The following SYNE1 variants were observed in gnomAD, a reference collection of about 807,000 sequenced individuals.
The protein encoded by SYNE1 is nesprin-1.
In SYNE1, 616 loss-of-function variants were observed where a neutral mutation model predicts 1,111.0. The observed-to-expected ratio is 0.55, with a 90% confidence interval of 0.52 to 0.59. SYNE1 has a LOEUF of 0.59. Among genes scored for constraint, SYNE1 ranks in the 20% least tolerant of loss-of-function variants. The pLI, the probability that SYNE1 is intolerant of heterozygous loss-of-function variation, is 0.00. For synonymous variants in SYNE1, 3,855 were observed against 3,825.8 expected (o/e 1.01, Z -0.28); for missense variants, 10,006 against 10,417.0 (o/e 0.96, Z 1.72).
Position 152,416,871 on chromosome 6 carries a change from C to T in SYNE1, c.5566G>A (p.Ala1856Thr), listed in dbSNP as rs886042693. The change falls in exon 41 of 146, where the codon GCC (alanine) becomes ACC (threonine). Residue 1856 changes from alanine (A) to threonine (T), a missense_variant. Ala to Thr is a moderately conservative substitution (Grantham distance 58). Around this residue, in one of 7 missense-constraint regions of SYNE1, gnomAD observed 4,955 missense variants for 5,017.2 expected, o/e 0.99. Transcript: ENST00000367255. ...TGCCGCCTCTCCACAACCTGGCTGG[C>T]CTCCTCAAACAGCTGGAAGCAGTCC... ...AEDCFQLFEE[A>T]SQVVERRQLA... 1.9e-6 allele frequency: 3 copies of T among 1,613,908 alleles called. No homozygotes were observed. The highest frequency in any genetic ancestry group is 1.3e-5 in the African/African-American group (1 of 75,040).
chr6:152,592,758 C>T (rs1428997758), intron 3 of SYNE1, among the ~76,000 whole-genome samples: 1 of 152,208 alleles, frequency 6.6e-6, no homozygotes, highest in Non-Finnish European at 1.5e-5. Context: ...ATCCTCTCCA[C>T]CTTCACTCAC....
chr6:152,313,464 C>CTTTTT (rs35627993), intron 87 of SYNE1, among the ~76,000 whole-genome samples: 3 of 135,636 alleles, frequency 2.2e-5, no homozygotes, highest in Non-Finnish European at 4.8e-5. Context: ...ATTTTCTTTT[C>CTTTTT]TTTTTTTTTT....
chr6:152,589,151 C>G (rs2099549936), intron 3 of SYNE1, among the ~76,000 whole-genome samples: 1 of 152,096 alleles, frequency 6.6e-6, no homozygotes. Flanking sequence ...AGGTAATCCA[C>G]TCATTTTGGG....
At chr6:152,441,486 T>C (rs1052402257) in intron 31 of SYNE1, among the ~76,000 whole-genome samples, 4 of 152,184 alleles carry the variant, frequency 2.6e-5, no homozygotes, top group Non-Finnish European at 4.4e-5. Flanking sequence ...TGGACTCAGA[T>C]GATTTCTGAG....
chr6:152,578,253 G>A (rs918984194), intron 3 of SYNE1, among the ~76,000 whole-genome samples: 4 of 152,030 alleles, frequency 2.6e-5, no homozygotes, highest in African/African-American at 9.7e-5. Context: ...CCTTCACCCG[G>A]TCTGCCCCAA....
chr6:152,353,860 G>T, intron 67 of SYNE1, 116 bp from the exon 68 acceptor site: 1 of 1,358,892 alleles, frequency 7.4e-7, no homozygotes, highest in Non-Finnish European at 1.0e-6. Flanking sequence ...TTTATTTTGA[G>T]ATTTAATTTT....
intron 3 of SYNE1, among the ~76,000 whole-genome samples, chr6:152,541,632 C>G (rs1054717333): frequency 1.3e-5 from 2 of 151,362 alleles, no homozygotes; most frequent in Non-Finnish European, 1.5e-5. Context: ...TCTGTAGTCC[C>G]AGCTACTCAG....
intron 38 of SYNE1, among the ~76,000 whole-genome samples, chr6:152,427,297 C>T (rs1430272308): frequency 6.6e-6 from 1 of 152,144 alleles, no homozygotes; most frequent in Admixed American, 6.5e-5. Flanking sequence ...CTTTATTGCC[C>T]AAACGTCATA....
At chr6:152,562,342 A>G (rs570569364) in intron 3 of SYNE1, among the ~76,000 whole-genome samples, 1 of 152,216 alleles carries the variant, frequency 6.6e-6, no homozygotes, top group African/African-American at 2.4e-5. Flanking sequence ...TCAAACAACC[A>G]TGAGACATCA....
At chr6:152,159,276 C>A (rs1210594263) in intron 131 of SYNE1, among the ~76,000 whole-genome samples, 1 of 152,176 alleles carries the variant, frequency 6.6e-6, no homozygotes, top group Non-Finnish European at 1.5e-5. Context: ...TGTATAATCA[C>A]ACTGTGTGGT....
rs145882121 is a variant in SYNE1 at position 152,451,468 on chromosome 6, A to AT, written c.3028-264dup. Among the ~76,000 whole-genome samples the AT allele has an allele frequency of 0.042, 2,077 of 49,876 alleles. 629 individuals are homozygous for AT. The highest frequency in any genetic ancestry group is 0.13 in the African/African-American group (1,519 of 11,966). 32.7% of individuals were successfully genotyped at this position (49,876 alleles called of 152,430 possible). ...AATTTTCACAGTAGCCCTGCACCGTATTTTTTTTTTTTTTTTTTTTTTTTT... is the reference window on the plus strand; with the variant it reads ...AATTTTCACAGTAGCCCTGCACCGTATTTTTTTTTTTTTTTTTTTTTTTTTT... On this transcript the variant is annotated intron_variant, in intron 25 of 145. Coordinates refer to ENST00000367255, the MANE Select transcript of SYNE1 (RefSeq NM_182961.4).
intron 128 of SYNE1, among the ~76,000 whole-genome samples, chr6:152,188,985 ATATATATAT>A (rs1228781178): frequency 1.9e-3 from 28 of 14,802 alleles, no homozygotes; most frequent in African/African-American, 4.3e-3. Context: ...AAAAAAAAAA[ATATATATAT>A]ATATATATAT....
chr6:152,122,191 T>A lies in SYNE1; in HGVS notation c.*245A>T. ...GGAGGTCCTTACTCAATCTCCTTAG[T>A]GCTAAGGTTCAGAGTCTCAAACCAG... On this transcript the variant is annotated 3_prime_UTR_variant, in exon 146 of 146. Coordinates refer to ENST00000367255, the MANE Select transcript of SYNE1 (RefSeq NM_182961.4). 3.4e-6 allele frequency: 2 copies of A among 580,770 alleles called. No individual in the cohort carries two copies. The highest frequency in any genetic ancestry group is 1.9e-5 in the South Asian group (1 of 51,556). The allele number at this position is 580,770 out of a possible 1,614,324, so 36.0% of individuals were successfully genotyped here. A position where few individuals can be genotyped will look rare whatever the true frequency, so the allele number is the denominator to read the frequency against.
At chr6:152,419,781 A>G (rs531908859) in intron 39 of SYNE1, 59 bp from the exon 40 acceptor site, 14 of 1,589,584 alleles carry the variant, frequency 8.8e-6, no homozygotes, top group Non-Finnish European at 1.2e-5. Context: ...AGGATTAATG[A>G]TGTATTTTGG....
chr6:152,255,411 C>G (rs1243583658), intron 103 of SYNE1, among the ~76,000 whole-genome samples, 180 bp downstream of exon 103: 1 of 152,186 alleles, frequency 6.6e-6, no homozygotes, highest in Non-Finnish European at 1.5e-5. Context: ...TTCCCTCATA[C>G]TTACACAAGA....
chr6:152,461,982 G>A (rs928994136), intron 20 of SYNE1, among the ~76,000 whole-genome samples: 1 of 151,306 alleles, frequency 6.6e-6, no homozygotes, highest in African/African-American at 2.4e-5. Flanking sequence ...AATGATCTTT[G>A]TACTTTCCAA....
At chr6:152,390,249 C>T (rs548733675) in intron 53 of SYNE1, 31 bp downstream of exon 53, 10 of 1,613,152 alleles carry the variant, frequency 6.2e-6, no homozygotes, top group African/African-American at 1.3e-5. Context: ...CTGCATTGGA[C>T]TTAAACAAAC....
At chr6:152,404,427 T>TA (rs1209350511) in intron 45 of SYNE1, 113 bp from the exon 46 acceptor site, 210 of 767,834 alleles carry the variant, frequency 2.7e-4, no homozygotes, top group East Asian at 5.0e-4. Context: ...TAAGCCAGTG[T>TA]AAAAAAAAAT....
intron 9 of SYNE1, 148 bp from the exon 10 acceptor site, chr6:152,502,890 G>T: frequency 1.6e-6 from 1 of 640,384 alleles, no homozygotes; most frequent in Admixed American, 2.6e-5. Context: ...GGGGAGGAGG[G>T]TAAACCAAAT....
Sources: allele counts gnomAD v4.1 joint callset (sites outside exome capture counted in the v4.1 genomes callset), GRCh38; gene constraint gnomAD v4.1.1; regional missense constraint gnomAD v4.1.1; transcripts MANE v1.5; gene names NCBI Gene and HGNC (gene_info 2026-07-23, HGNC 2026-07-21).